Variants in SLC39A12 observed in about 807,000 individuals in gnomAD.
The protein encoded by SLC39A12 is solute carrier family 39 member 12, also known as zinc transporter ZIP12.
In SLC39A12, 63 loss-of-function variants were observed where a neutral mutation model predicts 71.1. That is an observed-to-expected ratio of 0.89 (90% CI 0.72 to 1.09). The LOEUF is 1.09. Among genes scored for constraint, SLC39A12 ranks in the 50% least tolerant of loss-of-function variants. SLC39A12 has a pLI of 0.00. For missense variants in SLC39A12, 892 were observed against 812.6 expected, an observed-to-expected ratio of 1.10 and a Z score of -1.19; for synonymous variants, 351 against 301.3, an observed-to-expected ratio of 1.16 and a Z score of -1.71.
At chr10:18,029,369 A>G in intron 12 of SLC39A12, among the ~76,000 whole-genome samples, 1 of 152,128 alleles carries the variant, frequency 6.6e-6, no homozygotes, top group South Asian at 2.1e-4. Context: ...GAACTCAACA[A>G]CGGCAGGCCA....
intron 12 of SLC39A12, among the ~76,000 whole-genome samples, chr10:18,020,119 GT>G (rs1836490882): frequency 6.6e-6 from 1 of 151,968 alleles, no homozygotes; most frequent in African/African-American, 2.4e-5. Context: ...CCAATAGGTG[GT>G]TTTACAATCC....
rs367640524 is a variant in SLC39A12 at position 18,036,285 on chromosome 10, C to T, written c.1948-6420C>T. ...TGCAGTTTGATCTCAGACTGCTGTGCCAGTAATCAGTGAGACTCCGTGGGC... is the reference window on the plus strand; with the variant it reads ...TGCAGTTTGATCTCAGACTGCTGTGTCAGTAATCAGTGAGACTCCGTGGGC... On this transcript the variant is annotated intron_variant, in intron 12 of 12. Coordinates refer to ENST00000377369, the MANE Select transcript of SLC39A12 (RefSeq NM_001145195.2). Among the ~76,000 whole-genome samples, 19 of 152,290 alleles carry T rather than the reference C, an allele frequency of 1.2e-4. No homozygotes were observed. The East Asian group carries it at 2.5e-3, about 20-fold the overall frequency.
chr10:18,003,498 T>A, intron 12 of SLC39A12, 140 bp downstream of exon 12: 1 of 746,326 alleles, frequency 1.3e-6, no homozygotes, highest in Non-Finnish European at 2.0e-6. Flanking sequence ...GAATATTCTT[T>A]GTACTCCAAG....
At chr10:17,955,325 CCTT>C (rs10610852) in intron 2 of SLC39A12, among the ~76,000 whole-genome samples, 5,228 of 152,264 alleles carry the variant, frequency 0.034, 271 homozygotes, top group African/African-American at 0.12. Context: ...GCTTCACCCT[CCTT>C]CTCTGTGAAA....
At chr10:17,991,914 C>T (rs1835558377) in intron 8 of SLC39A12, among the ~76,000 whole-genome samples, 2 of 151,726 alleles carry the variant, frequency 1.3e-5, no homozygotes, top group Non-Finnish European at 2.9e-5. Flanking sequence ...CATAGCGAAA[C>T]GCTGTCTGTA....
At position 18,003,271 on chromosome 10, in the gene SLC39A12, C is replaced by T. The variant is rs920488461; in HGVS notation, c.1860C>T (p.Gly620=). ...SLTAFMGLYI[G]LSVSADPCVQ... ...CTGCCTTCATGGGATTATACATTGG[C>T]CTTTCCGTGTCAGCTGATCCATGTG... The change falls in exon 12 of 13, where the codon GGC becomes GGT. Residue 620 remains glycine, a synonymous_variant. Transcript: ENST00000377369. 6.2e-7 allele frequency: 1 copy of T among 1,614,062 alleles called. No individual in the cohort carries two copies. The highest frequency in any genetic ancestry group is 8.5e-7 in the Non-Finnish European group (1 of 1,180,004).
intron 12 of SLC39A12, among the ~76,000 whole-genome samples, chr10:18,012,865 C>CAAAAAA (rs35173291): frequency 3.8e-5 from 4 of 104,384 alleles, no homozygotes; most frequent in South Asian, 3.3e-4. Flanking sequence ...GACTACGTCT[C>CAAAAAA]AAAAAAAAAA....
At position 17,953,181 on chromosome 10, in the gene SLC39A12, T is replaced by C; in HGVS notation, c.-86-10T>C. ...ATAATTGAAGGCTTTATTTTTCCCC[T>C]TTACCACAGAAATTCCTTTGGTTAC... On this transcript the variant is annotated splice_polypyrimidine_tract_variant and intron_variant, in intron 1 of 12. Transcript: ENST00000377369. The C allele has an allele frequency of 6.9e-6, 10 of 1,454,662 alleles. No individual in the cohort carries two copies. The highest frequency in any genetic ancestry group is 9.3e-6 in the Non-Finnish European group (10 of 1,076,286). The allele number at this position is 1,454,662 out of a possible 1,614,324, so 90.1% of individuals were successfully genotyped here. A position where few individuals can be genotyped will look rare whatever the true frequency, so the allele number is the denominator to read the frequency against.
chr10:18,033,524 A>C (rs931693471), intron 12 of SLC39A12, among the ~76,000 whole-genome samples: 1 of 143,512 alleles, frequency 7.0e-6, no homozygotes, highest in Non-Finnish European at 1.5e-5. Flanking sequence ...TATTGTGTCT[A>C]TTTGATTCTT....
chr10:18,005,791 C>A (rs906131457), intron 12 of SLC39A12: 1 of 152,070 alleles, frequency 6.6e-6, no homozygotes, highest in Non-Finnish European at 1.5e-5. Context: ...TGGCATAAAT[C>A]TTGACCCTAT....
chr10:18,019,920 A>T (rs989847436), intron 12 of SLC39A12, among the ~76,000 whole-genome samples: 1 of 152,080 alleles, frequency 6.6e-6, no homozygotes, highest in African/African-American at 2.4e-5. Context: ...ATTATGTCCA[A>T]TTGATTGATG....
At position 17,975,233 on chromosome 10, in the gene SLC39A12, C is replaced by T. The variant is rs533336234; in HGVS notation, c.752-2669C>T. Among the ~76,000 whole-genome samples, 17 of 152,176 alleles carry T rather than the reference C, an allele frequency of 1.1e-4. No homozygotes were observed. The South Asian group carries it at 3.5e-3, about 32-fold the overall frequency. The stretch of plus-strand genomic sequence containing the variant: ...CCAAGTCCTGGAATCTCAGGCCCCC[C>T]ACCCCAAGAGTCTGCTTGGTGCTCT... On this transcript the variant is annotated intron_variant, in intron 4 of 12. Coordinates refer to ENST00000377369, the MANE Select transcript of SLC39A12 (RefSeq NM_001145195.2).
At chr10:18,003,007 G>T (rs1235225827) in intron 11 of SLC39A12, 164 bp from the exon 12 acceptor site, 3 of 593,954 alleles carry the variant, frequency 5.1e-6, no homozygotes, top group Non-Finnish European at 8.7e-6. Context: ...AATGGGCTAT[G>T]AATTCTAGAG....
In SLC39A12 at chr10:17,983,650, C is replaced by A. The variant is rs186009140; in HGVS notation, c.1096+2167C>A. Among the ~76,000 whole-genome samples the A allele has an allele frequency of 6.6e-5, 10 of 152,064 alleles. No homozygotes were observed. The East Asian group carries it at 1.9e-3, about 29-fold the overall frequency. On this transcript the variant is annotated intron_variant, in intron 6 of 12. Coordinates refer to ENST00000377369, the MANE Select transcript of SLC39A12 (RefSeq NM_001145195.2). ...TACAAAAATTAGCTGAGTATGCTGG[C>A]GGGTGCCTATAATCCCAGCTACTCG...
intron 12 of SLC39A12, among the ~76,000 whole-genome samples, chr10:18,015,280 T>A (rs111916077): frequency 1.4e-4 from 21 of 152,312 alleles, no homozygotes; most frequent in African/African-American, 5.1e-4. Context: ...TTTGTAATCA[T>A]TTTTTAGTTG....
intron 7 of SLC39A12, among the ~76,000 whole-genome samples, chr10:17,988,006 T>G (rs1376180037): frequency 6.6e-6 from 1 of 152,060 alleles, no homozygotes; most frequent in Non-Finnish European, 1.5e-5. Context: ...GAACCCCATC[T>G]CTACTAAAAA....
At chr10:18,011,929 T>C (rs745717083) in intron 12 of SLC39A12, among the ~76,000 whole-genome samples, 1 of 152,216 alleles carries the variant, frequency 6.6e-6, no homozygotes, top group Non-Finnish European at 1.5e-5. Context: ...AAGCTGAAGA[T>C]TTTAAAACAA....
intron 1 of SLC39A12, 100 bp downstream of exon 1, chr10:17,952,125 G>A (rs1243180863): frequency 6.6e-6 from 1 of 152,146 alleles, no homozygotes; most frequent in Non-Finnish European, 1.5e-5. Context: ...ACTCATAAAA[G>A]TAATCCCAGT....
At chr10:17,992,691 A>G (rs1035844054) in intron 8 of SLC39A12, among the ~76,000 whole-genome samples, 1 of 152,224 alleles carries the variant, frequency 6.6e-6, no homozygotes, top group Non-Finnish European at 1.5e-5. Flanking sequence ...AATTCTGAAC[A>G]TCCAAAAATG....
Sources: gnomAD v4.1 joint callset for allele counts (sites outside exome capture counted in the v4.1 genomes callset) on GRCh38, gnomAD v4.1.1 for gene constraint, MANE v1.5 for transcripts, NCBI Gene and HGNC (gene_info 2026-07-23, HGNC 2026-07-21) for gene names.